LRRC7: variants seen among roughly 807,000 people sequenced by gnomAD.
LRRC7 encodes leucine rich repeat containing 7.
Under a neutral mutation model 175.7 loss-of-function variants are expected in LRRC7, and 23 were observed. That is an observed-to-expected ratio of 0.13 (90% CI 0.09 to 0.19). LRRC7 has a LOEUF of 0.19. LRRC7 is among the 10% of genes least tolerant of loss of function. LRRC7 has a pLI of 1.00. For synonymous variants in LRRC7, 685 were observed against 680.9 expected (o/e 1.01, Z -0.09); for missense variants, 1,354 against 1,904.7 (o/e 0.71, Z 5.38).
intron 3 of LRRC7, among the ~76,000 whole-genome samples, chr1:69,787,991 C>T (rs1674683557): frequency 6.6e-6 from 1 of 151,936 alleles, no homozygotes; most frequent in African/African-American, 2.4e-5. Flanking sequence ...TTTCCTCCTT[C>T]CTTCCTCCCT....
intron 1 of LRRC7, among the ~76,000 whole-genome samples, chr1:69,665,997 T>G (rs1658214048): frequency 6.6e-6 from 1 of 152,112 alleles, no homozygotes. Flanking sequence ...GGTATGTTTC[T>G]TCTATCCTCA....
rs549446735 is a variant in LRRC7, at chr1:69,855,338, T to C, written c.647+17055T>C. On this transcript the variant is annotated intron_variant, in intron 7 of 26. Coordinates refer to ENST00000651989, the MANE Select transcript of LRRC7 (RefSeq NM_001370785.2). The stretch of plus-strand genomic sequence containing the variant: ...GTGGTATGTTGTGTCTTTGTTCTCA[T>C]TGGTTTCAGAGAACATCTTTATTTC... Among the ~76,000 whole-genome samples the C allele has an allele frequency of 3.9e-5, 6 of 152,300 alleles. No homozygotes were observed. The East Asian group carries it at 9.7e-4, about 25-fold the overall frequency.
intron 24 of LRRC7, among the ~76,000 whole-genome samples, chr1:70,083,829 A>G (rs916102881): frequency 6.6e-6 from 1 of 152,110 alleles, no homozygotes; most frequent in African/African-American, 2.4e-5. Flanking sequence ...TCATCAAGGT[A>G]TGTCTTGAAC....
chr1:70,003,392 T>G (rs10889864), intron 11 of LRRC7, among the ~76,000 whole-genome samples: 6,542 of 152,256 alleles, frequency 0.043, 167 homozygotes, highest in South Asian at 0.1. Context: ...GGAGATGAGG[T>G]GTTTGAAATT....
At chr1:69,939,309 G>A (rs1463697519) in intron 8 of LRRC7, among the ~76,000 whole-genome samples, 1 of 151,688 alleles carries the variant, frequency 6.6e-6, no homozygotes, top group Non-Finnish European at 1.5e-5. Flanking sequence ...TCTAAGGAGG[G>A]GCCCCCACAG....
At chr1:70,071,104 GT>G (rs1240098690) in intron 23 of LRRC7, among the ~76,000 whole-genome samples, 5 of 152,204 alleles carry the variant, frequency 3.3e-5, no homozygotes, top group African/African-American at 1.2e-4. Context: ...TTCAGCTGTA[GT>G]GGAGGAGTTA....
rs1646511900 is a variant in LRRC7, at chr1:69,911,055, A to G, written c.648-20452A>G. Among the ~76,000 whole-genome samples, 3 of 152,258 alleles carry G rather than the reference A, an allele frequency of 2.0e-5. No individual in the cohort carries two copies. The South Asian group carries it at 6.2e-4, about 32-fold the overall frequency. Reference sequence around the variant, plus strand: ...CGTTTTTTAAGCCCGTTGGAAAAGCACAGTATTAGGGTGGGAGTGACCTGA... The same window carrying G: ...CGTTTTTTAAGCCCGTTGGAAAAGCGCAGTATTAGGGTGGGAGTGACCTGA... On this transcript the variant is annotated intron_variant, in intron 7 of 26. Transcript: ENST00000651989.
intron 18 of LRRC7, among the ~76,000 whole-genome samples, chr1:70,029,013 A>G (rs969042973): frequency 6.6e-6 from 1 of 152,146 alleles, no homozygotes; most frequent in African/African-American, 2.4e-5. Flanking sequence ...TCATATTTTT[A>G]TCTTCATTAG....
intron 5 of LRRC7, among the ~76,000 whole-genome samples, chr1:69,826,203 C>G (rs1465579194): frequency 6.6e-6 from 1 of 152,036 alleles, no homozygotes; most frequent in Non-Finnish European, 1.5e-5. Context: ...AAGGTATTGA[C>G]AAGTGCATAA....
chr1:69,718,117 G>GAAAAAT (rs750185488), intron 2 of LRRC7, among the ~76,000 whole-genome samples: 1 of 81,776 alleles, frequency 1.2e-5, no homozygotes, highest in Admixed American at 1.3e-4. Context: ...GAAAAAGAAA[G>GAAAAAT]AAAGAAAGAA....
chr1:70,071,541 G>A (rs1662388454), intron 23 of LRRC7, among the ~76,000 whole-genome samples: 2 of 152,032 alleles, frequency 1.3e-5, no homozygotes, highest in Non-Finnish European at 2.9e-5. Context: ...TAATAGGACT[G>A]GGTTTTTGTT....
intron 3 of LRRC7, among the ~76,000 whole-genome samples, chr1:69,781,678 T>TAAA (rs1673516173): frequency 1.2e-5 from 1 of 82,410 alleles, no homozygotes; most frequent in African/African-American, 6.0e-5. Context: ...CAAGACTGTC[T>TAAA]CAAAAAAAAG....
Position 69,593,924 on chromosome 1 carries a change from T to C in LRRC7, c.2+25283T>C, listed in dbSNP as rs544011712. Among the ~76,000 whole-genome samples the C allele has an allele frequency of 2.3e-4, 35 of 152,282 alleles. No homozygotes were observed. The East Asian group carries it at 6.2e-3, about 27-fold the overall frequency. ...ACCTTAACTCCCTTAACACAATCTA[T>C]CCCTAGGCAGTATCTCCTGAGTCTT... On this transcript the variant is annotated intron_variant, in intron 1 of 26. Coordinates refer to ENST00000651989, the MANE Select transcript of LRRC7 (RefSeq NM_001370785.2).
chr1:69,684,213 A>C (rs1412889465), intron 2 of LRRC7, among the ~76,000 whole-genome samples: 1 of 152,174 alleles, frequency 6.6e-6, no homozygotes, highest in Non-Finnish European at 1.5e-5. Flanking sequence ...CCTCTTATTC[A>C]CTATATTAAT....
At chr1:70,045,461 G>C (rs1660253641) in intron 22 of LRRC7, among the ~76,000 whole-genome samples, 2 of 152,096 alleles carry the variant, frequency 1.3e-5, no homozygotes, top group Non-Finnish European at 2.9e-5. Flanking sequence ...ATTTTTACTT[G>C]AGTTCCTACT....
At chr1:69,606,558 A>G (rs1200881664) in intron 1 of LRRC7, among the ~76,000 whole-genome samples, 2 of 152,148 alleles carry the variant, frequency 1.3e-5, no homozygotes, top group Non-Finnish European at 2.9e-5. Context: ...ATACTAAAAC[A>G]AATAGTTTTA....
At chr1:69,646,616 C>A (rs947365698) in intron 1 of LRRC7, among the ~76,000 whole-genome samples, 1 of 152,110 alleles carries the variant, frequency 6.6e-6, no homozygotes, top group African/African-American at 2.4e-5. Flanking sequence ...GAAGCTGCTG[C>A]CATTAAAGAC....
In LRRC7 at chr1:70,104,035, C is replaced by A. The variant is rs564581511; in HGVS notation, c.4546-3717C>A. 2.6e-5 allele frequency among the ~76,000 whole-genome samples: 4 copies of A among 152,304 alleles called. No homozygotes were observed. In the East Asian group the frequency reaches 7.7e-4, roughly 29 times the overall value. On this transcript the variant is annotated intron_variant, in intron 25 of 26. Coordinates refer to ENST00000651989, the MANE Select transcript of LRRC7 (RefSeq NM_001370785.2). ...ATAAGAAACTGAACACATTTAAGATCTTGCTAGCGGAGTTGAAAGATTTGT... is the reference window on the plus strand; with the variant it reads ...ATAAGAAACTGAACACATTTAAGATATTGCTAGCGGAGTTGAAAGATTTGT...
chr1:70,030,060 G>A (rs1186047180), intron 18 of LRRC7, among the ~76,000 whole-genome samples: 1 of 148,568 alleles, frequency 6.7e-6, no homozygotes, highest in African/African-American at 2.5e-5. Flanking sequence ...AATTACCAAA[G>A]CCTGTGCATT....
Sources: allele counts gnomAD v4.1 joint callset (sites outside exome capture counted in the v4.1 genomes callset), GRCh38; gene constraint gnomAD v4.1.1; transcripts MANE v1.5; gene names NCBI Gene and HGNC (gene_info 2026-07-23, HGNC 2026-07-21).